The following GPHN variants were observed in gnomAD, a reference collection of about 807,000 sequenced individuals.
GPHN encodes gephyrin.
In GPHN, 17 loss-of-function variants were observed where a neutral mutation model predicts 95.5. The ratio of observed to expected loss-of-function variants is 0.18; its 90% CI spans 0.12 to 0.27. The LOEUF (loss-of-function observed/expected upper bound fraction) is 0.27, where lower values mean the gene tolerates loss of function less well. GPHN is among the 10% of genes least tolerant of loss of function. GPHN has a pLI of 1.00. For synonymous variants in GPHN, 320 were observed against 322.5 expected (o/e 0.99, Z 0.08); for missense variants, 660 against 978.1 (o/e 0.67, Z 4.34).
chr14:67,593,911 T>C, the GPHN span: 2 of 1,613,396 alleles, frequency 1.2e-6, no homozygotes, highest in South Asian at 2.2e-5. Flanking sequence ...CAAGCAGACC[T>C]AAGAGGGTGA....
At chr14:67,111,180 A>T (rs2078349039) in intron 14 of GPHN, among the ~76,000 whole-genome samples, 1 of 152,222 alleles carries the variant, frequency 6.6e-6, no homozygotes, top group Non-Finnish European at 1.5e-5. Context: ...AAGGCTTATA[A>T]AATTCAACCC....
chr14:67,581,039 GT>G, the GPHN span: 1 of 1,599,360 alleles, frequency 6.3e-7, no homozygotes, highest in Non-Finnish European at 8.6e-7. Flanking sequence ...ACAAGAACAG[GT>G]CCTAAGCACT....
At chr14:67,439,560 T>TCTTC in the GPHN span, among the ~76,000 whole-genome samples, 35 of 138,328 alleles carry the variant, frequency 2.5e-4, no homozygotes, top group African/African-American at 9.8e-4. Flanking sequence ...TTTCTTTCTT[T>TCTTC]CTTTCTTTCT....
intron 1 of GPHN, among the ~76,000 whole-genome samples, chr14:66,562,865 CTG>C (rs935713114): frequency 4.6e-5 from 7 of 151,068 alleles, no homozygotes; most frequent in South Asian, 2.1e-4. Context: ...GATTTTGTGT[CTG>C]TGTGTGTGTG....
the GPHN span, among the ~76,000 whole-genome samples, chr14:67,414,767 C>T: frequency 3.3e-5 from 5 of 152,246 alleles, no homozygotes; most frequent in Non-Finnish European, 7.3e-5. Context: ...ATCATGGAAA[C>T]TTATTCACAA....
the GPHN span, among the ~76,000 whole-genome samples, chr14:67,584,393 C>T: frequency 6.6e-5 from 10 of 152,220 alleles, no homozygotes; most frequent in African/African-American, 2.4e-4. Flanking sequence ...AATAACAGCC[C>T]TCTCAAGAGT....
the GPHN span, among the ~76,000 whole-genome samples, chr14:67,489,818 A>G: frequency 1.0e-3 from 158 of 152,244 alleles, no homozygotes; most frequent in African/African-American, 3.4e-3. Context: ...GTGAAACCCC[A>G]TCTCTACTAA....
the GPHN span, among the ~76,000 whole-genome samples, chr14:67,605,814 T>C: frequency 1.6e-4 from 25 of 151,898 alleles, no homozygotes; most frequent in African/African-American, 5.6e-4. Context: ...TCCCCAGTAG[T>C]TGGGACCACA....
At chr14:67,655,816 T>A in the GPHN span, among the ~76,000 whole-genome samples, 1 of 152,224 alleles carries the variant, frequency 6.6e-6, no homozygotes, top group Non-Finnish European at 1.5e-5. Flanking sequence ...CTTATTAATT[T>A]CTGTAATCTT....
At chr14:66,775,530 C>A (rs971365326) in intron 2 of GPHN, among the ~76,000 whole-genome samples, 9 of 152,032 alleles carry the variant, frequency 5.9e-5, no homozygotes, top group African/African-American at 2.2e-4. Flanking sequence ...AACATGTAGT[C>A]AATATATTAA....
At chr14:66,536,694 T>A (rs991442669) in intron 1 of GPHN, among the ~76,000 whole-genome samples, 1 of 152,244 alleles carries the variant, frequency 6.6e-6, no homozygotes, top group Non-Finnish European at 1.5e-5. Flanking sequence ...TTGTGATTGA[T>A]AGATTCATAC....
intron 1 of GPHN, among the ~76,000 whole-genome samples, chr14:66,634,864 A>C (rs1199225838): frequency 1.3e-5 from 2 of 152,224 alleles, no homozygotes; most frequent in African/African-American, 4.8e-5. Flanking sequence ...ATCACTAACT[A>C]CTATTAGACA....
chr14:66,915,957 G>A (rs1196333875), intron 5 of GPHN, 46 bp from the exon 6 acceptor site: 1 of 972,022 alleles, frequency 1.0e-6, no homozygotes, highest in African/African-American at 1.6e-5. Flanking sequence ...TTTAAACCGG[G>A]CATTCATAGC....
chr14:67,282,201 CT>C, the GPHN span, among the ~76,000 whole-genome samples: 1 of 151,910 alleles, frequency 6.6e-6, no homozygotes, highest in Non-Finnish European at 1.5e-5. Flanking sequence ...TTTTGCCAAA[CT>C]TTTTTTTCTT....
the GPHN span, among the ~76,000 whole-genome samples, chr14:67,549,054 T>G: frequency 0.026 from 3,959 of 152,218 alleles, 144 homozygotes; most frequent in Admixed American, 0.083. Flanking sequence ...GAAAAACATA[T>G]CCTAAAATAT....
At chr14:67,053,366 G>A (rs557952710) in intron 10 of GPHN, among the ~76,000 whole-genome samples, 2 of 152,192 alleles carry the variant, frequency 1.3e-5, no homozygotes, top group East Asian at 1.9e-4. Context: ...AAATCTAGAA[G>A]AAATGGATAA....
At chr14:67,306,313 G>A in the GPHN span, among the ~76,000 whole-genome samples, 1 of 151,838 alleles carries the variant, frequency 6.6e-6, no homozygotes, top group South Asian at 2.1e-4. Flanking sequence ...ATAGAGTGAT[G>A]TGCAGTATTT....
chr14:67,295,221 A>G, the GPHN span, among the ~76,000 whole-genome samples: 1 of 151,666 alleles, frequency 6.6e-6, no homozygotes, highest in Non-Finnish European at 1.5e-5. Context: ...TGGGAGGCTC[A>G]CGCCTGTAAT....
chr14:66,986,135 AAT>A (rs2071014581), intron 9 of GPHN, among the ~76,000 whole-genome samples: 1 of 152,040 alleles, frequency 6.6e-6, no homozygotes, highest in African/African-American at 2.4e-5. Context: ...TTGTAAAAAA[AAT>A]AATTTTAATG....
Sources: gnomAD v4.1 joint callset for allele counts (sites outside exome capture counted in the v4.1 genomes callset) on GRCh38, gnomAD v4.1.1 for gene constraint, MANE v1.5 for transcripts, NCBI Gene and HGNC (gene_info 2026-07-23, HGNC 2026-07-21) for gene names.